Variants in DISP2 observed in about 807,000 individuals in gnomAD.
DISP2 encodes dispatched RND transporter family member 2.
DISP2 carries 59 observed loss-of-function variants against 95.5 expected under a neutral mutation model. The observed-to-expected ratio is 0.62, with a 90% CI of 0.50 to 0.77. The LOEUF (loss-of-function observed/expected upper bound fraction) is 0.77. Among genes scored for constraint, DISP2 ranks in the 30% least tolerant of loss-of-function variants. The pLI is 0.00. For synonymous variants in DISP2, 827 were observed against 815.0 expected, an observed-to-expected ratio of 1.01 and a Z score of -0.25; for missense variants, 1,752 against 1,854.6, an observed-to-expected ratio of 0.94 and a Z score of 1.02.
At chr15:40,360,156 C>T (rs186396685) in intron 1 of DISP2, among the ~76,000 whole-genome samples, 54 of 152,318 alleles carry the variant, frequency 3.5e-4, no homozygotes, top group African/African-American at 1.3e-3. Context: ...CACTTTCCAT[C>T]CCCCTGCCTG....
chr15:40,366,327 G>A lies in DISP2; in HGVS notation c.945+602G>A, dbSNP rs139907216. The stretch of plus-strand genomic sequence containing the variant: ...TCTTAGTCCCTCAGGCTTCATAAGC[G>A]CTAAATGGGGATGATAAACGTACTT... On this transcript the variant is annotated intron_variant, in intron 7 of 7. Coordinates refer to ENST00000267889, the MANE Select transcript of DISP2 (RefSeq NM_033510.3). Among the ~76,000 whole-genome samples the A allele has an allele frequency of 3.1e-4, 47 of 152,342 alleles. No individual in the cohort carries two copies. The East Asian group carries it at 8.3e-3, about 27-fold the overall frequency.
rs1238515249 is a variant in DISP2 at position 40,369,002 on chromosome 15, C to A, written c.2890C>A (p.Pro964Thr). The change falls in exon 8 of 8, where the codon CCT (proline) becomes ACT (threonine). Residue 964 changes from proline (P) to threonine (T), a missense_variant. Physicochemically the swap from Pro to Thr is conservative, Grantham distance 38. Transcript: ENST00000267889. ...CCTGCAGCACAGCCTGAGCACTGAGCCTGCTGTGGTGCTGGGCCTGGCTTT... is the reference window on the plus strand; with the variant it reads ...CCTGCAGCACAGCCTGAGCACTGAGACTGCTGTGGTGCTGGGCCTGGCTTT... ...YSLQHSLSTE[P>T]AVVLGLALAL... is the part of the protein sequence containing the mutation. The A allele has an allele frequency of 5.0e-6, 8 of 1,613,920 alleles. No individual in the cohort carries two copies. In the African/African-American group the frequency reaches 9.3e-5, roughly 19 times the overall value.
chr15:40,364,536 C>G lies in DISP2; in HGVS notation c.595C>G (p.Pro199Ala), dbSNP rs369219150. The G allele has an allele frequency of 1.1e-5, 18 of 1,613,504 alleles. No individual in the cohort carries two copies. Among genetic ancestry groups the G allele is most frequent in the African/African-American group, 2.7e-5 (2 of 74,948 alleles). The change falls in exon 4 of 8, where the codon CCT becomes GCT. Residue 199 changes from proline (P) to alanine (A), a missense_variant. By Grantham distance (27) the Pro-to-Ala change is conservative. Around this residue, in one of 5 missense-constraint regions of DISP2, gnomAD observed 342 missense variants for 364.3 expected, o/e 0.94. Transcript: ENST00000267889. ...GGCCCGGCTGCCCGACTTCTCCAAG[C>G]CTTTGCTGGTGAGGAACCAAGGGGT... ...LGARLPDFSK[P>A]LLGFEPRDTD... is the part of the protein sequence containing the mutation.
chr15:40,363,974 C>G lies in DISP2; in HGVS notation c.449+20C>G. 1 of 1,516,138 alleles carries G rather than the reference C, an allele frequency of 6.6e-7. No homozygotes were observed. Among genetic ancestry groups the G allele is most frequent in the East Asian group, 2.3e-5 (1 of 44,120 alleles). The allele number at this position is 1,516,138 out of a possible 1,614,324, so 93.9% of individuals were successfully genotyped here. ...CGTCAGGTAAGGAGGGGTCCAGCAG[C>G]CTGCCAGCTGCCACTGGAAAATGCG... is the stretch of plus-strand genomic sequence containing the variant. On this transcript the variant is annotated intron_variant, in intron 2 of 7. Transcript: ENST00000267889.
rs1328575186 is a variant in DISP2, at chr15:40,371,030, A to G, written c.*712A>G. 4 of 189,974 alleles carry G rather than the reference A, an allele frequency of 2.1e-5. No homozygotes were observed. The highest frequency in any genetic ancestry group is 6.9e-5 in the African/African-American group (3 of 43,424). 11.8% of individuals were successfully genotyped at this position (189,974 alleles called of 1,614,324 possible). A position where few individuals can be genotyped will look rare whatever the true frequency, so the allele number is the denominator to read the frequency against. ...CTCCTGTGCTTTCCTGTGTTAATAA[A>G]CAGTAATAATCCTTTCCATCTCTGC... On this transcript the variant is annotated 3_prime_UTR_variant, in exon 8 of 8. Transcript: ENST00000267889.
intron 1 of DISP2, among the ~76,000 whole-genome samples, chr15:40,359,009 C>T (rs1889365734): frequency 1.3e-5 from 2 of 152,204 alleles, no homozygotes; most frequent in African/African-American, 4.8e-5. Flanking sequence ...TGGCTGGAGC[C>T]GCTAAGATGG....
Position 40,368,264 on chromosome 15 carries a change from G to T in DISP2, c.2152G>T (p.Ala718Ser), listed in dbSNP as rs771786498. 2 of 1,609,054 alleles carry T rather than the reference G, an allele frequency of 1.2e-6. No homozygotes were observed. The highest frequency in any genetic ancestry group is 2.2e-5 in the South Asian group (2 of 91,000). ...GTTCGCAGCACTGGCGGCAGGGGGC[G>T]CCTACATCGCCGGAGTCAGCCCCCG... is the stretch of plus-strand genomic sequence containing the variant. ...CWFAALAAGG[A>S]YIAGVSPRLR... The change falls in exon 8 of 8, where the codon GCC (alanine) becomes TCC (serine). Residue 718 changes from alanine to serine, a missense_variant. This residue lies in a region of DISP2 where 732 missense variants were observed against 714.6 expected (regional missense o/e 1.02). Coordinates refer to ENST00000267889, the MANE Select transcript of DISP2 (RefSeq NM_033510.3).
rs1889755379 is a variant in DISP2 at position 40,378,127 on chromosome 15, T to C, written c.*7809T>C. ...TTTTCCAATAAAAAATTACCAGTCA[T>C]GCAAACTATAACCCATCATAAGGAG... On this transcript the variant is annotated 3_prime_UTR_variant, in exon 8 of 8. Transcript: ENST00000267889. 1 of 152,202 alleles carries C rather than the reference T, an allele frequency of 6.6e-6. No individual in the cohort carries two copies. The highest frequency in any genetic ancestry group is 2.4e-5 in the African/African-American group (1 of 41,454). 9.4% of individuals were successfully genotyped at this position (152,202 alleles called of 1,614,324 possible).
At position 40,374,597 on chromosome 15, in the gene DISP2, C is replaced by T; in HGVS notation, c.*4279C>T. 1 of 137,530 alleles carries T rather than the reference C, an allele frequency of 7.3e-6. No individual in the cohort carries two copies. The highest frequency in any genetic ancestry group is 1.6e-5 in the Non-Finnish European group (1 of 64,194). The allele number at this position is 137,530 out of a possible 1,614,324, so 8.5% of individuals were successfully genotyped here. ...TTGGTTTACAACCTTTGCCTATCGT[C>T]CAGAGAGTTTCTGATCTTTTCTTTT... is the stretch of plus-strand genomic sequence containing the variant. On this transcript the variant is annotated 3_prime_UTR_variant, in exon 8 of 8. Transcript: ENST00000267889.
Position 40,368,412 on chromosome 15 carries a change from G to A in DISP2, c.2300G>A (p.Gly767Asp), listed in dbSNP as rs1889556022. 6.2e-7 allele frequency: 1 copy of A among 1,608,698 alleles called. No individual in the cohort carries two copies. Among genetic ancestry groups the A allele is most frequent in the Admixed American group, 1.7e-5 (1 of 60,014 alleles). Reference protein sequence around the residue: ...FLFEQLPQGEGGHMPVVLVWG... With the variant: ...FLFEQLPQGEDGHMPVVLVWG... ...TTCGAGCAGCTGCCGCAGGGCGAGGGCGGCCACATGCCCGTGGTTTTGGTG... is the reference window on the plus strand; with the variant it reads ...TTCGAGCAGCTGCCGCAGGGCGAGGACGGCCACATGCCCGTGGTTTTGGTG... Residue 767 changes from glycine (G) to aspartate (D), a missense_variant, in exon 8 of 8, where the codon GGC (glycine) becomes GAC (aspartate). Around this residue, in one of 5 missense-constraint regions of DISP2, gnomAD observed 732 missense variants for 714.6 expected, o/e 1.02. Coordinates refer to ENST00000267889, the MANE Select transcript of DISP2 (RefSeq NM_033510.3).
chr15:40,368,939 C>T lies in DISP2; in HGVS notation c.2827C>T (p.Arg943Cys), dbSNP rs1156805822. 12 of 1,613,922 alleles carry T rather than the reference C, an allele frequency of 7.4e-6. No individual in the cohort carries two copies. The highest frequency in any genetic ancestry group is 6.7e-5 in the East Asian group (3 of 44,882). ...GCTGGGCATGGCACCTCCAGGCCTC[C>T]GCCGTGGTTGGTTCACTAGCCGTCT... The part of the protein sequence containing the change: ...AELGMAPPGL[R>C]RGWFTSRLEL... The change falls in exon 8 of 8, where the codon CGC becomes TGC. Residue 943 changes from arginine to cysteine, a missense_variant. By Grantham distance (180) the Arg-to-Cys change is radical. Around this residue, in one of 5 missense-constraint regions of DISP2, gnomAD observed 317 missense variants for 394.9 expected, o/e 0.80. Coordinates refer to ENST00000267889, the MANE Select transcript of DISP2 (RefSeq NM_033510.3).
At position 40,370,328 on chromosome 15, in the gene DISP2, G is replaced by A. The variant is rs371199025; in HGVS notation, c.*10G>A. 31 of 1,519,216 alleles carry A rather than the reference G, an allele frequency of 2.0e-5. No homozygotes were observed. Among genetic ancestry groups the A allele is most frequent in the East Asian group, 1.8e-4 (8 of 43,966 alleles). The allele number at this position is 1,519,216 out of a possible 1,614,324, so 94.1% of individuals were successfully genotyped here. On this transcript the variant is annotated 3_prime_UTR_variant, in exon 8 of 8. Coordinates refer to ENST00000267889, the MANE Select transcript of DISP2 (RefSeq NM_033510.3). Reference sequence around the variant, plus strand: ...AGGCTATAGCAGCTGAGGGGGACCCGGGGAGGCTGGACAGGGCGCGGAACC... The same window carrying A: ...AGGCTATAGCAGCTGAGGGGGACCCAGGGAGGCTGGACAGGGCGCGGAACC...
chr15:40,358,541 C>T, intron 1 of DISP2, 101 bp downstream of exon 1: 3 of 914,290 alleles, frequency 3.3e-6, no homozygotes, highest in Non-Finnish European at 4.3e-6. Flanking sequence ...ATTCATTCCC[C>T]AGACCCTCCC....
chr15:40,360,284 G>A (rs181015917), intron 1 of DISP2, among the ~76,000 whole-genome samples: 10 of 152,318 alleles, frequency 6.6e-5, no homozygotes, highest in African/African-American at 2.2e-4. Context: ...TGTAGCCCTG[G>A]GGTGCTTAAC....
At position 40,367,930 on chromosome 15, in the gene DISP2, C is replaced by T. The variant is rs778211118; in HGVS notation, c.1818C>T (p.Ala606=). Reference sequence around the variant, plus strand: ...TCACCACGAGCGCGGCCTTCTATGCCAGCTACCTGAGCCGCCTGCCGGCCG... The same window carrying T: ...TCACCACGAGCGCGGCCTTCTATGCTAGCTACCTGAGCCGCCTGCCGGCCG... ...SGLTTSAAFY[A]SYLSRLPAVR... Residue 606 remains alanine, a synonymous_variant, in exon 8 of 8, where the codon GCC becomes GCT. Transcript: ENST00000267889. 2.5e-6 allele frequency: 4 copies of T among 1,593,038 alleles called. No individual in the cohort carries two copies. The highest frequency in any genetic ancestry group is 1.7e-5 in the Admixed American group (1 of 59,400).
chr15:40,367,855 C>T lies in DISP2; in HGVS notation c.1743C>T (p.Arg581=). 6.2e-7 allele frequency: 1 copy of T among 1,600,310 alleles called. No individual in the cohort carries two copies. The highest frequency in any genetic ancestry group is 8.5e-7 in the Non-Finnish European group (1 of 1,179,818). Residue 581 remains arginine (R), a synonymous_variant, in exon 8 of 8, where the codon CGC becomes CGT. Coordinates refer to ENST00000267889, the MANE Select transcript of DISP2 (RefSeq NM_033510.3). ...SQLPSGGLAQ[R]VGRTMHHFGY... is the part of the protein sequence containing the mutation. ...TGCCGTCGGGGGGGCTGGCGCAGCGCGTGGGCCGCACCATGCACCACTTCG... is the reference window on the plus strand; with the variant it reads ...TGCCGTCGGGGGGGCTGGCGCAGCGTGTGGGCCGCACCATGCACCACTTCG...
rs747766909 is a variant in DISP2 at position 40,367,183 on chromosome 15, C to A, written c.1071C>A (p.Thr357=). Reference sequence around the variant, plus strand: ...ACCGCTCCTCCTGCCTGGACACTACCCAAGCTGACGCAGCCCGCACACTGG... The same window carrying A: ...ACCGCTCCTCCTGCCTGGACACTACACAAGCTGACGCAGCCCGCACACTGG... ...LSNRSSCLDT[T]QADAARTLAL... Residue 357 remains threonine, a synonymous_variant, in exon 8 of 8, where the codon ACC becomes ACA. Transcript: ENST00000267889. 6.2e-7 allele frequency: 1 copy of A among 1,613,992 alleles called. No individual in the cohort carries two copies. The highest frequency in any genetic ancestry group is 1.1e-5 in the South Asian group (1 of 91,076).
In DISP2 at chr15:40,378,607, A is replaced by T; in HGVS notation, c.*8289A>T. 6.6e-6 allele frequency: 1 copy of T among 152,222 alleles called. No individual in the cohort carries two copies. Among genetic ancestry groups the T allele is most frequent in the Admixed American group, 6.5e-5 (1 of 15,286 alleles). 9.4% of individuals were successfully genotyped at this position (152,222 alleles called of 1,614,324 possible). A position where few individuals can be genotyped will look rare whatever the true frequency, so the allele number is the denominator to read the frequency against. ...CTATCATTGTAACTTCCTGTCAATT[A>T]TAACGATTCCAAAATAAAGAATTTA... On this transcript the variant is annotated 3_prime_UTR_variant, in exon 8 of 8. Transcript: ENST00000267889.
In DISP2 at chr15:40,368,512, C is replaced by A. The variant is rs1889559798; in HGVS notation, c.2400C>A (p.Ala800=). 1 of 1,606,764 alleles carries A rather than the reference C, an allele frequency of 6.2e-7. No homozygotes were observed. Among genetic ancestry groups the A allele is most frequent in the African/African-American group, 1.3e-5 (1 of 74,952 alleles). ...RSNSSLVRDP[A]FSASGPEAQR... ...ACAGCAGCCTGGTGAGGGACCCTGC[C>A]TTCTCGGCCAGCGGCCCTGAGGCCC... The change falls in exon 8 of 8, where the codon GCC becomes GCA. Residue 800 remains alanine (A), a synonymous_variant. Coordinates refer to ENST00000267889, the MANE Select transcript of DISP2 (RefSeq NM_033510.3).
Sources: gnomAD v4.1 joint callset for allele counts (sites outside exome capture counted in the v4.1 genomes callset) on GRCh38, gnomAD v4.1.1 for gene constraint, gnomAD v4.1.1 regional missense constraint, MANE v1.5 for transcripts, NCBI Gene and HGNC (gene_info 2026-07-23, HGNC 2026-07-21) for gene names.